ALK: variants seen among roughly 807,000 people sequenced by gnomAD.
The protein encoded by ALK is ALK receptor tyrosine kinase, also known as ALK tyrosine kinase receptor.
A neutral mutation model predicts 163.1 loss-of-function variants in ALK; 74 were observed. That is an observed-to-expected ratio of 0.45 (90% CI 0.38 to 0.55). The LOEUF (loss-of-function observed/expected upper bound fraction) is 0.55, where lower values mean the gene tolerates loss of function less well. Among genes scored for constraint, ALK ranks in the 20% least tolerant of loss-of-function variants. The probability of loss-of-function intolerance (pLI) is 0.00; values close to 1 mark genes in which losing one functional copy is unlikely to be tolerated. For missense variants in ALK, 2,063 were observed against 2,105.3 expected, an observed-to-expected ratio of 0.98 and a Z score of 0.39; for synonymous variants, 960 against 843.2, an observed-to-expected ratio of 1.14 and a Z score of -2.40.
intron 8 of ALK, among the ~76,000 whole-genome samples, chr2:29,299,390 T>C (rs1488571227): frequency 1.3e-5 from 2 of 152,208 alleles, no homozygotes; most frequent in Non-Finnish European, 2.9e-5. Flanking sequence ...TCAACAAATA[T>C]TTGTTAAGCA....
intron 1 of ALK, among the ~76,000 whole-genome samples, chr2:29,888,401 G>A (rs1171519778): frequency 6.6e-6 from 1 of 152,166 alleles, no homozygotes; most frequent in East Asian, 1.9e-4. Context: ...ATATGGTGAT[G>A]TCTAGATTAA....
chr2:29,543,780 C>T (rs1673477347), intron 3 of ALK, among the ~76,000 whole-genome samples: 1 of 152,164 alleles, frequency 6.6e-6, no homozygotes, highest in African/African-American at 2.4e-5. Flanking sequence ...CTTCTGTCTC[C>T]TCTATGTGCT....
At chr2:29,436,162 G>T (rs1469887169) in intron 4 of ALK, among the ~76,000 whole-genome samples, 1 of 152,146 alleles carries the variant, frequency 6.6e-6, no homozygotes, top group Non-Finnish European at 1.5e-5. Context: ...GAAACAAAGA[G>T]TCTCTACTAC....
chr2:29,257,472 TA>T lies in ALK; in HGVS notation c.2042-6206del, dbSNP rs370360988. On this transcript the variant is annotated intron_variant, in intron 11 of 28. Transcript: ENST00000389048. ...CAATTAGTAATAAACAGTACATCGC[TA>T]AAAAAAAAATAGGCTAGACAATGAT... 3.5e-3 allele frequency among the ~76,000 whole-genome samples: 520 copies of T among 147,632 alleles called. 5 individuals carry two copies. Among genetic ancestry groups the T allele is most frequent in the African/African-American group, 0.011 (441 of 40,492 alleles).
chr2:29,737,180 T>C (rs1679916191), intron 1 of ALK, among the ~76,000 whole-genome samples: 1 of 152,076 alleles, frequency 6.6e-6, no homozygotes, highest in Non-Finnish European at 1.5e-5. Context: ...GATCTAATGT[T>C]GTGAAAATAT....
chr2:29,796,498 G>T (rs72788242), intron 1 of ALK, among the ~76,000 whole-genome samples: 4,503 of 152,188 alleles, frequency 0.03, 77 homozygotes, highest in East Asian at 0.078. Flanking sequence ...AATTGATTTT[G>T]TACCTGTTCT....
chr2:29,398,128 A>G (rs912680914), intron 4 of ALK, among the ~76,000 whole-genome samples: 2 of 152,178 alleles, frequency 1.3e-5, no homozygotes, highest in African/African-American at 4.8e-5. Flanking sequence ...CACATGCAGG[A>G]GCCAGAAAGA....
intron 5 of ALK, among the ~76,000 whole-genome samples, chr2:29,343,600 GAGGGA>G (rs1667865063): frequency 6.6e-6 from 1 of 152,170 alleles, no homozygotes; most frequent in Non-Finnish European, 1.5e-5. Flanking sequence ...GGTGAGCTCT[GAGGGA>G]TGTTTCTCCC....
At chr2:29,717,961 C>T (rs1206579031) in intron 1 of ALK, among the ~76,000 whole-genome samples, 2 of 152,160 alleles carry the variant, frequency 1.3e-5, no homozygotes, top group African/African-American at 4.8e-5. Flanking sequence ...GAACTAGAAG[C>T]CAGGGCACTT....
intron 9 of ALK, among the ~76,000 whole-genome samples, chr2:29,283,113 C>G (rs1056180830): frequency 6.6e-6 from 1 of 152,190 alleles, no homozygotes; most frequent in Non-Finnish European, 1.5e-5. Context: ...GCCAAGTGCC[C>G]TAGGGAAGGA....
At chr2:29,302,921 TAGAAGA>T in intron 8 of ALK, among the ~76,000 whole-genome samples, 1 of 152,294 alleles carries the variant, frequency 6.6e-6, no homozygotes, top group South Asian at 2.1e-4. Context: ...ATAAAAATCC[TAGAAGA>T]AAACCTAGGA....
intron 1 of ALK, among the ~76,000 whole-genome samples, chr2:29,746,072 T>C (rs1360743363): frequency 1.3e-5 from 2 of 152,158 alleles, no homozygotes; most frequent in Admixed American, 6.5e-5. Context: ...CCCTGTGACA[T>C]AGGTATTACA....
At chr2:29,412,647 T>TATGCAGAGTCACCACTCACAC (rs1474454124) in intron 4 of ALK, among the ~76,000 whole-genome samples, 1 of 152,222 alleles carries the variant, frequency 6.6e-6, no homozygotes, top group Non-Finnish European at 1.5e-5. Flanking sequence ...CACATCAGCA[T>TATGCAGAGTCACCACTCACAC]ATGCAGAGTC....
At chr2:29,479,718 C>A (rs1671616266) in intron 4 of ALK, among the ~76,000 whole-genome samples, 1 of 152,182 alleles carries the variant, frequency 6.6e-6, no homozygotes, top group Non-Finnish European at 1.5e-5. Context: ...CATGGGGCAG[C>A]TTGGCTGTGG....
At position 29,772,085 on chromosome 2, in the gene ALK, A is replaced by G. The variant is rs114309264; in HGVS notation, c.668-54388T>C. On this transcript the variant is annotated intron_variant, in intron 1 of 28. Transcript: ENST00000389048. ...GGCAGGGCCCAGGATGCCAGAGGAC[A>G]ACCCACCCAGATGGGAGCAGGGAAG... 7.1e-3 allele frequency among the ~76,000 whole-genome samples: 1,077 copies of G among 152,292 alleles called. 14 individuals carry two copies. Among genetic ancestry groups the G allele is most frequent in the African/African-American group, 0.024 (977 of 41,554 alleles).
At chr2:29,586,352 T>C (rs10182323) in intron 3 of ALK, among the ~76,000 whole-genome samples, 10,084 of 152,190 alleles carry the variant, frequency 0.066, 777 homozygotes, top group African/African-American at 0.18. Context: ...TTTTTAACTA[T>C]AGGATTTTTA....
intron 23 of ALK, among the ~76,000 whole-genome samples, 167 bp downstream of exon 23, chr2:29,220,538 CT>C (rs1446176655): frequency 6.6e-6 from 1 of 152,210 alleles, no homozygotes; most frequent in Non-Finnish European, 1.5e-5. Flanking sequence ...CTACCTCTAT[CT>C]TCTGTCCATT....
chr2:29,290,919 C>T lies in ALK; in HGVS notation c.1817+5969G>A, dbSNP rs538883040. 1.5e-4 allele frequency among the ~76,000 whole-genome samples: 23 copies of T among 151,970 alleles called. No individual in the cohort carries two copies. The East Asian group carries it at 3.9e-3, about 26-fold the overall frequency. ...GAGAGGCAGGCAGGCAGGGGCCGTGCGGGGAATGGTCTGCAGCAGGAGGTG... is the reference window on the plus strand; with the variant it reads ...GAGAGGCAGGCAGGCAGGGGCCGTGTGGGGAATGGTCTGCAGCAGGAGGTG... On this transcript the variant is annotated intron_variant, in intron 9 of 28. Coordinates refer to ENST00000389048, the MANE Select transcript of ALK (RefSeq NM_004304.5).
intron 1 of ALK, among the ~76,000 whole-genome samples, chr2:29,752,171 A>G (rs1246377234): frequency 6.6e-6 from 1 of 152,018 alleles, no homozygotes; most frequent in African/African-American, 2.4e-5. Flanking sequence ...CATATTTTAA[A>G]TTTTGCCTTT....
Sources: gnomAD v4.1 joint callset for allele counts (sites outside exome capture counted in the v4.1 genomes callset) on GRCh38, gnomAD v4.1.1 for gene constraint, MANE v1.5 for transcripts, NCBI Gene and HGNC (gene_info 2026-07-23, HGNC 2026-07-21) for gene names.